MAN1A2: variants seen among roughly 807,000 people sequenced by gnomAD.
MAN1A2 encodes mannosidase alpha class 1A member 2, also known as mannosyl-oligosaccharide 1,2-alpha-mannosidase IB.
In MAN1A2, 26 loss-of-function variants were observed where a neutral mutation model predicts 75.7. The ratio of observed to expected loss-of-function variants is 0.34; its 90% CI spans 0.25 to 0.48. MAN1A2 has a LOEUF of 0.48. MAN1A2 is among the 20% of genes least tolerant of loss of function. MAN1A2 has a pLI of 0.99. For synonymous variants in MAN1A2, 247 were observed against 264.6 expected, an observed-to-expected ratio of 0.93 and a Z score of 0.65; for missense variants, 562 against 775.5, an observed-to-expected ratio of 0.72 and a Z score of 3.27.
intron 7 of MAN1A2, among the ~76,000 whole-genome samples, chr1:117,462,342 A>G (rs1459434779): frequency 6.6e-6 from 1 of 152,214 alleles, no homozygotes; most frequent in African/African-American, 2.4e-5. Context: ...AATTATGTTT[A>G]TATCTGTTAG....
intron 8 of MAN1A2, among the ~76,000 whole-genome samples, chr1:117,489,519 A>G (rs1477103402): frequency 6.6e-6 from 1 of 151,722 alleles, no homozygotes; most frequent in East Asian, 1.9e-4. Flanking sequence ...AATTTTCCTT[A>G]TTTGTCAGGA....
intron 1 of MAN1A2, among the ~76,000 whole-genome samples, chr1:117,374,760 C>G (rs974040030): frequency 6.6e-6 from 1 of 152,140 alleles, no homozygotes; most frequent in South Asian, 2.1e-4. Flanking sequence ...AGATTTTTTT[C>G]TAGCTCATGC....
At chr1:117,392,789 G>A (rs986640593) in intron 1 of MAN1A2, among the ~76,000 whole-genome samples, 3 of 152,228 alleles carry the variant, frequency 2.0e-5, no homozygotes, top group Non-Finnish European at 4.4e-5. Flanking sequence ...GAGACAGTAA[G>A]TTTGTGTTGA....
At chr1:117,413,315 G>A (rs1557939727) in intron 3 of MAN1A2, among the ~76,000 whole-genome samples, 1 of 151,836 alleles carries the variant, frequency 6.6e-6, no homozygotes, top group African/African-American at 2.4e-5. Flanking sequence ...CAAGAAAATG[G>A]CATGTAAATT....
rs890367159 is a variant in MAN1A2, at chr1:117,372,752, CT to C, written c.302+4277del. 5.6e-4 allele frequency among the ~76,000 whole-genome samples: 82 copies of C among 147,674 alleles called. 1 individual carries two copies. Among genetic ancestry groups the C allele is most frequent in the African/African-American group, 1.6e-3 (66 of 40,158 alleles). On this transcript the variant is annotated intron_variant, in intron 1 of 12. Coordinates refer to ENST00000356554, the MANE Select transcript of MAN1A2 (RefSeq NM_006699.5). ...CATAATAGATCTCAATAATTAAAAA[CT>C]TTTTTTTTTAAAACTGACATTTGTT...
At position 117,368,362 on chromosome 1, in the gene MAN1A2, C is replaced by G; in HGVS notation, c.179C>G (p.Ser60Cys). 1 of 1,614,176 alleles carries G rather than the reference C, an allele frequency of 6.2e-7. No homozygotes were observed. The highest frequency in any genetic ancestry group is 8.5e-7 in the Non-Finnish European group (1 of 1,180,038). ...CFGAFFFLPD[S>C]SKHKRFDLGL... ...GGGGCATTCTTTTTCCTTCCAGACT[C>G]TTCAAAACACAAACGCTTTGATTTG... is the stretch of plus-strand genomic sequence containing the variant. The change falls in exon 1 of 13, where the codon TCT becomes TGT. Residue 60 changes from serine (S) to cysteine (C), a missense_variant. Physicochemically the swap from Ser to Cys is moderately radical, Grantham distance 112. This residue lies in a region of MAN1A2 where 128 missense variants were observed against 129.8 expected (regional missense o/e 0.99). Transcript: ENST00000356554.
chr1:117,379,649 C>G (rs1653266321), intron 1 of MAN1A2, among the ~76,000 whole-genome samples: 1 of 152,092 alleles, frequency 6.6e-6, no homozygotes, highest in South Asian at 2.1e-4. Flanking sequence ...TCCCTGCTTC[C>G]CCCTAGCCTC....
At chr1:117,432,019 G>A (rs2101799539) in intron 5 of MAN1A2, among the ~76,000 whole-genome samples, 1 of 152,150 alleles carries the variant, frequency 6.6e-6, no homozygotes, top group East Asian at 1.9e-4. Flanking sequence ...ATAGACATCA[G>A]GAAAAACTTC....
chr1:117,504,157 G>T (rs560797774), intron 12 of MAN1A2, among the ~76,000 whole-genome samples: 2 of 151,438 alleles, frequency 1.3e-5, no homozygotes, highest in Non-Finnish European at 3.0e-5. Flanking sequence ...GACTGTAGAA[G>T]TTGAAAGAGC....
At position 117,402,086 on chromosome 1, in the gene MAN1A2, A is replaced by T. The variant is rs1647449920; in HGVS notation, c.303-100A>T. 4.1e-6 allele frequency: 5 copies of T among 1,213,894 alleles called. No individual in the cohort carries two copies. In the Admixed American group the frequency reaches 9.8e-5, roughly 24 times the overall value. The allele number at this position is 1,213,894 out of a possible 1,614,324, so 75.2% of individuals were successfully genotyped here. A position where few individuals can be genotyped will look rare whatever the true frequency, so the allele number is the denominator to read the frequency against. ...CTTTTAATGGCAAAAGTAGAAAACA[A>T]GTTCCTGGGTTTAATGGAGAAACCT... is the stretch of plus-strand genomic sequence containing the variant. On this transcript the variant is annotated intron_variant, in intron 1 of 12. Coordinates refer to ENST00000356554, the MANE Select transcript of MAN1A2 (RefSeq NM_006699.5).
At chr1:117,392,320 G>T (rs1258798952) in intron 1 of MAN1A2, among the ~76,000 whole-genome samples, 1 of 151,660 alleles carries the variant, frequency 6.6e-6, no homozygotes, top group East Asian at 1.9e-4. Context: ...CTTATTACTT[G>T]ATCTGCATGG....
At chr1:117,457,943 T>A (rs1649656603) in intron 6 of MAN1A2, among the ~76,000 whole-genome samples, 1 of 152,186 alleles carries the variant, frequency 6.6e-6, no homozygotes, top group Non-Finnish European at 1.5e-5. Context: ...GGCCATTACA[T>A]CTGCTGTTTC....
In MAN1A2 at chr1:117,497,907, A is replaced by C. The variant is rs142095999; in HGVS notation, c.1504+925A>C. On this transcript the variant is annotated intron_variant, in intron 10 of 12. Transcript: ENST00000356554. ...TGAATTGTTGATTTTATTAAATAACAATTTCTGTTTTAGGGTTAATTTATC... is the reference window on the plus strand; with the variant it reads ...TGAATTGTTGATTTTATTAAATAACCATTTCTGTTTTAGGGTTAATTTATC... Among the ~76,000 whole-genome samples, 945 of 152,046 alleles carry C rather than the reference A, an allele frequency of 6.2e-3. 8 individuals carry two copies. The highest frequency in any genetic ancestry group is 0.022 in the African/African-American group (906 of 41,544).
chr1:117,524,937 A>G lies in MAN1A2; in HGVS notation c.*1980A>G, dbSNP rs963241885. On this transcript the variant is annotated 3_prime_UTR_variant, in exon 13 of 13. Transcript: ENST00000356554. ...AAATGTTAGCCTTCCTCGTAAAAGTAGCACAAGCCCACTTATGAATCACTG... is the reference window on the plus strand; with the variant it reads ...AAATGTTAGCCTTCCTCGTAAAAGTGGCACAAGCCCACTTATGAATCACTG... 2.4e-5 allele frequency: 8 copies of G among 327,026 alleles called. No individual in the cohort carries two copies. The highest frequency in any genetic ancestry group is 1.9e-5 in the Non-Finnish European group (3 of 161,106). 20.3% of individuals were successfully genotyped at this position (327,026 alleles called of 1,614,324 possible).
At position 117,488,435 on chromosome 1, in the gene MAN1A2, A is replaced by T. The variant is rs12083328; in HGVS notation, c.1169-4712A>T. On this transcript the variant is annotated intron_variant, in intron 8 of 12. Transcript: ENST00000356554. ...GGTATGGAACTCCTGACCTCAAGTGATCTGATCACCTCGGCCTCCCAAAGT... is the reference window on the plus strand; with the variant it reads ...GGTATGGAACTCCTGACCTCAAGTGTTCTGATCACCTCGGCCTCCCAAAGT... 3.8e-3 allele frequency among the ~76,000 whole-genome samples: 578 copies of T among 152,146 alleles called. 6 individuals carry two copies. The highest frequency in any genetic ancestry group is 0.013 in the African/African-American group (549 of 41,516).
intron 7 of MAN1A2, among the ~76,000 whole-genome samples, chr1:117,464,630 G>A (rs1570765339): frequency 1.3e-5 from 2 of 152,202 alleles, no homozygotes; most frequent in Middle Eastern, 6.8e-3. Flanking sequence ...GGCTAATGGT[G>A]AGTACTTCTT....
At chr1:117,498,325 G>A (rs1164837354) in intron 10 of MAN1A2, among the ~76,000 whole-genome samples, 1 of 151,632 alleles carries the variant, frequency 6.6e-6, no homozygotes, top group Non-Finnish European at 1.5e-5. Context: ...TGCAGATTTT[G>A]ACCAAAAATC....
intron 1 of MAN1A2, among the ~76,000 whole-genome samples, chr1:117,381,416 A>G (rs1319395852): frequency 1.3e-5 from 2 of 152,016 alleles, no homozygotes; most frequent in African/African-American, 4.8e-5. Context: ...ATTGCCATCT[A>G]TGAGTGAGAA....
At chr1:117,479,725 A>G (rs920242621) in intron 8 of MAN1A2, among the ~76,000 whole-genome samples, 9 of 151,862 alleles carry the variant, frequency 5.9e-5, no homozygotes, top group South Asian at 2.1e-4. Context: ...AGTTTGATCA[A>G]TTGATCAGTT....
Sources: allele counts gnomAD v4.1 joint callset (sites outside exome capture counted in the v4.1 genomes callset), GRCh38; gene constraint gnomAD v4.1.1; regional missense constraint gnomAD v4.1.1; transcripts MANE v1.5; gene names NCBI Gene and HGNC (gene_info 2026-07-23, HGNC 2026-07-21).